Variants in EIF4E observed in about 807,000 individuals in gnomAD.
EIF4E encodes eIF-4F 25 kDa subunit.
For synonymous variants in EIF4E, 71 were observed against 88.5 expected (o/e 0.80, Z 1.11); for missense variants, 113 against 265.6 (o/e 0.43, Z 3.99).
chr4:98,928,148 A>G (rs1721288829), intron 1 of EIF4E, among the ~76,000 whole-genome samples: 1 of 152,164 alleles, frequency 6.6e-6, no homozygotes, highest in Admixed American at 6.5e-5. Context: ...AGGGATTGAG[A>G]CCCATTCGCA....
intron 2 of EIF4E, among the ~76,000 whole-genome samples, chr4:98,897,438 G>A (rs537175856): frequency 6.6e-6 from 1 of 152,090 alleles, no homozygotes; most frequent in African/African-American, 2.4e-5. Context: ...GGGCATGGTG[G>A]CAGGTGCCTG....
chr4:98,883,739 C>T (rs1723798654), intron 6 of EIF4E, among the ~76,000 whole-genome samples: 1 of 151,492 alleles, frequency 6.6e-6, no homozygotes, highest in Non-Finnish European at 1.5e-5. Flanking sequence ...AAAAAGAAAT[C>T]TTAGAAAAAA....
chr4:98,908,478 T>C (rs1055504416), intron 1 of EIF4E, among the ~76,000 whole-genome samples: 1 of 152,194 alleles, frequency 6.6e-6, no homozygotes, highest in Non-Finnish European at 1.5e-5. Context: ...GAAATGTAAA[T>C]GCTACATATG....
chr4:98,883,088 C>A (rs1403539343), intron 6 of EIF4E, among the ~76,000 whole-genome samples: 3 of 152,048 alleles, frequency 2.0e-5, no homozygotes, highest in Admixed American at 1.3e-4. Context: ...GAGTTTGACA[C>A]CAGCCTGGCC....
intron 2 of EIF4E, among the ~76,000 whole-genome samples, chr4:98,899,060 A>C (rs539663909): frequency 7.9e-5 from 12 of 152,126 alleles, no homozygotes; most frequent in Admixed American, 7.2e-4. Context: ...CCTCTAAAAA[A>C]AAAAAAACCA....
At chr4:98,916,407 A>G (rs1458442067) in intron 1 of EIF4E, among the ~76,000 whole-genome samples, 1 of 152,090 alleles carries the variant, frequency 6.6e-6, no homozygotes, top group East Asian at 1.9e-4. Flanking sequence ...CCAGAGAACT[A>G]GTCCAAGAGA....
chr4:98,885,730 G>A (rs1249906548), intron 5 of EIF4E, among the ~76,000 whole-genome samples: 1 of 152,174 alleles, frequency 6.6e-6, no homozygotes, highest in Non-Finnish European at 1.5e-5. Context: ...GAGATCACAG[G>A]TGTGAGCCCA....
chr4:98,915,393 T>G (rs1181705530), intron 1 of EIF4E, among the ~76,000 whole-genome samples: 1 of 152,180 alleles, frequency 6.6e-6, no homozygotes, highest in Non-Finnish European at 1.5e-5. Flanking sequence ...GATTATTTTT[T>G]CACAATGATC....
At chr4:98,905,829 C>A (rs1724849353) in intron 1 of EIF4E, among the ~76,000 whole-genome samples, 1 of 152,140 alleles carries the variant, frequency 6.6e-6, no homozygotes, top group African/African-American at 2.4e-5. Flanking sequence ...AAAAGTCTAA[C>A]AACTGGCTGC....
At chr4:98,888,033 CAT>C (rs1269112780) in intron 3 of EIF4E, 81 bp from the exon 4 acceptor site, 149 of 1,173,276 alleles carry the variant, frequency 1.3e-4, no homozygotes, top group Non-Finnish European at 1.7e-4. Context: ...ACATTTAGAA[CAT>C]ATGATGAAAA....
chr4:98,923,208 A>AC (rs1278632340), intron 1 of EIF4E, among the ~76,000 whole-genome samples: 3 of 151,802 alleles, frequency 2.0e-5, no homozygotes, highest in Non-Finnish European at 4.4e-5. Flanking sequence ...GGGAAACAAA[A>AC]AAAAAAAAAC....
chr4:98,892,991 G>T (rs1475960297), intron 2 of EIF4E, among the ~76,000 whole-genome samples: 1 of 152,058 alleles, frequency 6.6e-6, no homozygotes, highest in Non-Finnish European at 1.5e-5. Flanking sequence ...TGGATATATT[G>T]TGAGTCCAGT....
intron 1 of EIF4E, among the ~76,000 whole-genome samples, chr4:98,906,109 C>T (rs558102738): frequency 3.2e-4 from 49 of 152,246 alleles, no homozygotes; most frequent in Non-Finnish European, 5.6e-4. Context: ...TACATATAAA[C>T]CACTTCTAGA....
intron 2 of EIF4E, among the ~76,000 whole-genome samples, chr4:98,892,574 C>T (rs984735641): frequency 1.4e-5 from 2 of 143,558 alleles, no homozygotes; most frequent in African/African-American, 2.5e-5. Context: ...TACAGCTACT[C>T]GGGAAGCTGA....
chr4:98,908,910 T>A (rs2110206905), intron 1 of EIF4E, among the ~76,000 whole-genome samples: 1 of 152,360 alleles, frequency 6.6e-6, no homozygotes, highest in African/African-American at 2.4e-5. Context: ...TCTACCTGTT[T>A]GTTGTTTCAG....
At chr4:98,881,198 G>A (rs1181488552) in intron 6 of EIF4E, 56 bp from the exon 7 acceptor site, 10 of 1,576,128 alleles carry the variant, frequency 6.3e-6, no homozygotes, top group Non-Finnish European at 5.2e-6. Context: ...TTACTCACAA[G>A]AAATACATTT....
intron 2 of EIF4E, among the ~76,000 whole-genome samples, chr4:98,898,691 G>A (rs1264293681): frequency 6.6e-6 from 1 of 151,666 alleles, no homozygotes; most frequent in East Asian, 1.9e-4. Flanking sequence ...TTTTCTAAAC[G>A]AATAATTTTA....
chr4:98,916,498 G>C (rs2110216507), intron 1 of EIF4E, among the ~76,000 whole-genome samples: 1 of 152,128 alleles, frequency 6.6e-6, no homozygotes, highest in East Asian at 1.9e-4. Context: ...GACATGAGTG[G>C]CCATATTAAA....
chr4:98,892,991 G>GT (rs1339097925), intron 2 of EIF4E, among the ~76,000 whole-genome samples: 1 of 152,058 alleles, frequency 6.6e-6, no homozygotes. Flanking sequence ...TGGATATATT[G>GT]TGAGTCCAGT....
Sources: allele counts gnomAD v4.1 joint callset (sites outside exome capture counted in the v4.1 genomes callset), GRCh38; gene constraint gnomAD v4.1.1; transcripts MANE v1.5; gene names NCBI Gene and HGNC (gene_info 2026-07-23, HGNC 2026-07-21).